The following NFIX variants were observed in gnomAD, a reference collection of about 807,000 sequenced individuals.
NFIX encodes nuclear factor I X, also known as nuclear factor 1 X-type.
Under a neutral mutation model 53.3 loss-of-function variants are expected in NFIX, and 2 were observed. The observed-to-expected ratio is 0.04, with a 90% CI of 0.02 to 0.12. The LOEUF (loss-of-function observed/expected upper bound fraction) is 0.12, where lower values mean the gene tolerates loss of function less well. Among genes scored for constraint, NFIX ranks in the 10% least tolerant of loss-of-function variants. The pLI, the probability that NFIX is intolerant of heterozygous loss-of-function variation, is 1.00. For synonymous variants in NFIX, 244 were observed against 289.0 expected, an observed-to-expected ratio of 0.84 and a Z score of 1.58; for missense variants, 310 against 674.5, an observed-to-expected ratio of 0.46 and a Z score of 5.99.
At chr19:13,019,434 C>G (rs1432920904) in intron 1 of NFIX, among the ~76,000 whole-genome samples, 1 of 152,140 alleles carries the variant, frequency 6.6e-6, no homozygotes, top group Non-Finnish European at 1.5e-5. Flanking sequence ...GTTTTTCTTT[C>G]TCTGCCGCGG....
At chr19:13,054,653 C>G (rs938462525) in intron 2 of NFIX, among the ~76,000 whole-genome samples, 2 of 152,266 alleles carry the variant, frequency 1.3e-5, no homozygotes, top group East Asian at 1.9e-4. Context: ...TGGTCTTGCT[C>G]TGTGTGCCCC....
At chr19:13,031,092 C>G (rs1217202225) in intron 2 of NFIX, among the ~76,000 whole-genome samples, 1 of 152,188 alleles carries the variant, frequency 6.6e-6, no homozygotes, top group African/African-American at 2.4e-5. Context: ...AGACCCAATC[C>G]TTATGCTTGG....
Position 13,073,657 on chromosome 19 carries a change from T to G in NFIX, c.697+161T>G, listed in dbSNP as rs762030929. 6.6e-6 allele frequency among the ~76,000 whole-genome samples: 1 copy of G among 151,758 alleles called. No individual in the cohort carries two copies. The highest frequency in any genetic ancestry group is 6.6e-5 in the Admixed American group (1 of 15,242). On this transcript the variant is annotated intron_variant, in intron 4 of 10. Transcript: ENST00000592199. This position sits in a 1 kb window ranked among gnomAD's most constrained non-coding sequence, Gnocchi z 4.5. ...TGGTGCTGGGCTGGGTACAATAGAG[T>G]CTTCCAGAGAGGCCTGTCTCCAGTC...
intron 8 of NFIX, among the ~76,000 whole-genome samples, chr19:13,086,754 G>C (rs1159772223): frequency 6.6e-6 from 1 of 152,192 alleles, no homozygotes; most frequent in African/African-American, 2.4e-5. Context: ...AAAGCACCTG[G>C]TCCAGGGCTG....
chr19:13,052,530 C>G lies in NFIX; in HGVS notation c.560-20517C>G, dbSNP rs971587261. On this transcript the variant is annotated intron_variant, in intron 2 of 10. Coordinates refer to ENST00000592199, the MANE Select transcript of NFIX (RefSeq NM_001365902.3). This position sits in a 1 kb window ranked among gnomAD's most constrained non-coding sequence, Gnocchi z 5.2. Reference sequence around the variant, plus strand: ...CAGTGAGCTTCCTGCGCTGCTGGCCCTGGCTCTGCTGAGGGCCATGTCAGG... The same window carrying G: ...CAGTGAGCTTCCTGCGCTGCTGGCCGTGGCTCTGCTGAGGGCCATGTCAGG... Among the ~76,000 whole-genome samples, 1 of 152,202 alleles carries G rather than the reference C, an allele frequency of 6.6e-6. No individual in the cohort carries two copies. Among genetic ancestry groups the G allele is most frequent in the Non-Finnish European group, 1.5e-5 (1 of 68,022 alleles).
At chr19:13,039,461 G>A (rs2014461771) in intron 2 of NFIX, among the ~76,000 whole-genome samples, 1 of 152,206 alleles carries the variant, frequency 6.6e-6, no homozygotes, top group Non-Finnish European at 1.5e-5. Flanking sequence ...TCCGGCTGCA[G>A]AAATGCCCCT....
At chr19:13,032,299 G>A (rs2013876984) in intron 2 of NFIX, among the ~76,000 whole-genome samples, 1 of 152,158 alleles carries the variant, frequency 6.6e-6, no homozygotes, top group Non-Finnish European at 1.5e-5. Context: ...GTTGGGTGGA[G>A]CTCCCAGGGT....
intron 10 of NFIX, among the ~76,000 whole-genome samples, chr19:13,091,831 C>T (rs1415416013): frequency 6.6e-6 from 1 of 152,224 alleles, no homozygotes; most frequent in African/African-American, 2.4e-5. Flanking sequence ...TCGTGCGCTC[C>T]GAGGACCACT....
rs1217218446 is a variant in NFIX at position 13,002,080 on chromosome 19, C to T, written c.27+6216C>T. Among the ~76,000 whole-genome samples, 1 of 152,200 alleles carries T rather than the reference C, an allele frequency of 6.6e-6. No individual in the cohort carries two copies. The highest frequency in any genetic ancestry group is 1.9e-4 in the East Asian group (1 of 5,184). ...GTCTCCGTGGGCCTGAGCCCACTAT[C>T]CCCGCTGCCCCCACAGCCAGGCAGG... On this transcript the variant is annotated intron_variant, in intron 1 of 10. Coordinates refer to ENST00000592199, the MANE Select transcript of NFIX (RefSeq NM_001365902.3). This position sits in a 1 kb window ranked among gnomAD's most constrained non-coding sequence, Gnocchi z 6.1.
rs1349945656 is a variant in NFIX at position 13,021,173 on chromosome 19, T to G, written c.28-3848T>G. ...GCAGGATTTGGTACCTTATGTCATG[T>G]CTCTGAGCTAACATCTTTGGCTGAT... is the stretch of plus-strand genomic sequence containing the variant. On this transcript the variant is annotated intron_variant, in intron 1 of 10. Coordinates refer to ENST00000592199, the MANE Select transcript of NFIX (RefSeq NM_001365902.3). The surrounding 1 kb of genome is among the most constrained non-coding windows in gnomAD (Gnocchi z 4.2). Among the ~76,000 whole-genome samples the G allele has an allele frequency of 6.6e-6, 1 of 152,196 alleles. No individual in the cohort carries two copies. The highest frequency in any genetic ancestry group is 1.5e-5 in the Non-Finnish European group (1 of 68,028).
intron 6 of NFIX, 104 bp downstream of exon 6, chr19:13,075,775 G>C: frequency 7.3e-7 from 1 of 1,365,502 alleles, no homozygotes; most frequent in Non-Finnish European, 9.9e-7. Context: ...CCCCCTGTCG[G>C]GGGGCATTAC....
At position 13,081,976 on chromosome 19, in the gene NFIX, G is replaced by T. The variant is rs928850705; in HGVS notation, c.1254+121G>T. ...AGCCCACCTGGGGCTGGAGCAGCAG[G>T]GAGCTGGTAGTACCAAACGCCTCGA... On this transcript the variant is annotated intron_variant, in intron 8 of 10. Transcript: ENST00000592199. The surrounding 1 kb of genome is among the most constrained non-coding windows in gnomAD (Gnocchi z 4.7). 6.7e-6 allele frequency: 8 copies of T among 1,191,848 alleles called. No homozygotes were observed. Among genetic ancestry groups the T allele is most frequent in the Non-Finnish European group, 9.5e-6 (8 of 845,928 alleles). The allele number at this position is 1,191,848 out of a possible 1,614,324, so 73.8% of individuals were successfully genotyped here. A position where few individuals can be genotyped will look rare whatever the true frequency, so the allele number is the denominator to read the frequency against.
Position 13,036,472 on chromosome 19 carries a change from T to TG in NFIX, c.559+10922dup, listed in dbSNP as rs1412675163. 6.6e-6 allele frequency among the ~76,000 whole-genome samples: 1 copy of TG among 152,022 alleles called. No individual in the cohort carries two copies. Among genetic ancestry groups the TG allele is most frequent in the Non-Finnish European group, 1.5e-5 (1 of 68,010 alleles). On this transcript the variant is annotated intron_variant, in intron 2 of 10. Coordinates refer to ENST00000592199, the MANE Select transcript of NFIX (RefSeq NM_001365902.3). This position sits in a 1 kb window ranked among gnomAD's most constrained non-coding sequence, Gnocchi z 4.7. ...GGCTTTGCGGTTGAGTCTGCCAGTC[T>TG]GGAGAAGGCTGCTCTCCAGACAGCT...
chr19:13,048,893 T>G (rs904527466), intron 2 of NFIX, among the ~76,000 whole-genome samples: 1 of 151,884 alleles, frequency 6.6e-6, no homozygotes, highest in Non-Finnish European at 1.5e-5. Flanking sequence ...GCCAGCATGG[T>G]GAAACCCTGT....
At chr19:13,085,669 GC>G (rs1286119345) in intron 8 of NFIX, among the ~76,000 whole-genome samples, 1 of 152,224 alleles carries the variant, frequency 6.6e-6, no homozygotes, top group African/African-American at 2.4e-5. Flanking sequence ...TTTGTCAAGG[GC>G]CACTGAGAGT....
rs1359813119 is a variant in NFIX at position 13,006,968 on chromosome 19, T to A, written c.27+11104T>A. On this transcript the variant is annotated intron_variant, in intron 1 of 10. Coordinates refer to ENST00000592199, the MANE Select transcript of NFIX (RefSeq NM_001365902.3). The surrounding 1 kb of genome is among the most constrained non-coding windows in gnomAD (Gnocchi z 5.6). ...TGGGGGTGGGGAAGTGCTGGGCGCC[T>A]CCAGGCCCCTGCTTGTCCCGTGCCA... 6.6e-6 allele frequency among the ~76,000 whole-genome samples: 1 copy of A among 152,112 alleles called. No homozygotes were observed. Among genetic ancestry groups the A allele is most frequent in the Non-Finnish European group, 1.5e-5 (1 of 67,996 alleles).
intron 8 of NFIX, among the ~76,000 whole-genome samples, chr19:13,087,021 G>A (rs1246631428): frequency 6.6e-6 from 1 of 152,170 alleles, no homozygotes; most frequent in Non-Finnish European, 1.5e-5. Context: ...GATGAAGAGC[G>A]CAGGCCAGGC....
At chr19:13,048,058 G>A (rs914629182) in intron 2 of NFIX, among the ~76,000 whole-genome samples, 3 of 152,228 alleles carry the variant, frequency 2.0e-5, no homozygotes, top group Non-Finnish European at 4.4e-5. Context: ...CAGTGAACTC[G>A]GCACTTTTAT....
At position 13,003,872 on chromosome 19, in the gene NFIX, T is replaced by C. The variant is rs190282359; in HGVS notation, c.27+8008T>C. On this transcript the variant is annotated intron_variant, in intron 1 of 10. Transcript: ENST00000592199. ...CCAGGCTGGTCTTGAATTCCTGGGCTCAAGCAGTTCTCCCGCTTCACCCTC... is the reference window on the plus strand; with the variant it reads ...CCAGGCTGGTCTTGAATTCCTGGGCCCAAGCAGTTCTCCCGCTTCACCCTC... Among the ~76,000 whole-genome samples the C allele has an allele frequency of 1.2e-4, 18 of 152,226 alleles. No individual in the cohort carries two copies. In the East Asian group the frequency reaches 3.3e-3, roughly 28 times the overall value.
Sources: gnomAD v4.1 joint callset for allele counts (sites outside exome capture counted in the v4.1 genomes callset) on GRCh38, gnomAD v4.1.1 for gene constraint, Gnocchi (gnomAD v3.1) non-coding constraint, MANE v1.5 for transcripts, NCBI Gene and HGNC (gene_info 2026-07-23, HGNC 2026-07-21) for gene names.